Variants in NLGN4Y observed in about 807,000 individuals in gnomAD.
The protein encoded by NLGN4Y is neuroligin-4, Y-linked.
NLGN4Y carries 4 observed loss-of-function variants against 8.4 expected under a neutral mutation model. That is an observed-to-expected ratio of 0.48 (90% CI 0.23 to 1.09). The LOEUF is 1.09. Ranked by LOEUF, NLGN4Y falls within the 50% of genes least tolerant of loss-of-function variation. NLGN4Y has a pLI of 0.19. For missense variants in NLGN4Y, 90 were observed against 192.3 expected, an observed-to-expected ratio of 0.47 and a Z score of 3.15; for synonymous variants, 35 against 75.6, an observed-to-expected ratio of 0.46 and a Z score of 2.78.
At chrY:14,729,527 A>G (rs999678541) in intron 4 of NLGN4Y, among the ~76,000 whole-genome samples, 17 of 34,001 alleles carry the variant, frequency 5.0e-4, no homozygotes, top group Non-Finnish European at 8.1e-4. Context: ...GAAGAAGAAT[A>G]CAGTCTGAAG....
intron 1 of NLGN4Y, among the ~76,000 whole-genome samples, chrY:14,612,971 T>G: frequency 3.0e-5 from 1 of 33,342 alleles, no homozygotes; most frequent in South Asian, 6.8e-4. Flanking sequence ...GCTGCTGCCT[T>G]TCTTTCAGAG....
intron 6 of NLGN4Y, among the ~76,000 whole-genome samples, chrY:14,834,070 A>G: frequency 6.2e-5 from 2 of 32,171 alleles, no homozygotes; most frequent in South Asian, 7.4e-4. Context: ...TTATGAGGTG[A>G]CTATTATCAT....
chrY:14,801,903 T>A, intron 4 of NLGN4Y, among the ~76,000 whole-genome samples: 1 of 33,393 alleles, frequency 3.0e-5, no homozygotes, highest in South Asian at 6.6e-4. Context: ...CCAACAAATC[T>A]GCCCAAAGCA....
intron 1 of NLGN4Y, among the ~76,000 whole-genome samples, chrY:14,561,656 G>A (rs1603499673): frequency 6.0e-5 from 2 of 33,237 alleles, no homozygotes; most frequent in African/African-American, 2.3e-4. Flanking sequence ...ACCCTCTTCC[G>A]CAATGGTTGA....
At chrY:14,706,911 ACAAT>A (rs2080881329) in intron 2 of NLGN4Y, among the ~76,000 whole-genome samples, 1 of 22,175 alleles carries the variant, frequency 4.5e-5, no homozygotes, top group Non-Finnish European at 1.0e-4. Context: ...GTATATATAC[ACAAT>A]CAGATATATG....
intron 1 of NLGN4Y, among the ~76,000 whole-genome samples, chrY:14,616,772 T>G: frequency 2.9e-5 from 1 of 33,979 alleles, no homozygotes; most frequent in Non-Finnish European, 7.3e-5. Flanking sequence ...TTCTTAATCC[T>G]GAGTTCTAAT....
intron 1 of NLGN4Y, among the ~76,000 whole-genome samples, chrY:14,591,650 T>A: frequency 3.0e-5 from 1 of 32,916 alleles, no homozygotes; most frequent in Non-Finnish European, 7.5e-5. Context: ...CTATGATCAT[T>A]TGGAGCTTGA....
intron 4 of NLGN4Y, among the ~76,000 whole-genome samples, chrY:14,751,485 T>A: frequency 3.0e-5 from 1 of 32,857 alleles, no homozygotes; most frequent in Admixed American, 2.8e-4. Context: ...TTGAGATGTT[T>A]CCATGTATTT....
At chrY:14,553,942 G>A (rs2080203490) in intron 1 of NLGN4Y, among the ~76,000 whole-genome samples, 1 of 31,032 alleles carries the variant, frequency 3.2e-5, no homozygotes, top group Admixed American at 3.2e-4. Context: ...CTTTCCTTTT[G>A]GCTATATGAA....
chrY:14,774,296 T>A (rs764360978), intron 4 of NLGN4Y, among the ~76,000 whole-genome samples: 1 of 33,022 alleles, frequency 3.0e-5, no homozygotes, highest in Admixed American at 2.7e-4. Flanking sequence ...AAAAGGAACT[T>A]AAACAAATGT....
intron 4 of NLGN4Y, among the ~76,000 whole-genome samples, chrY:14,752,011 G>A: frequency 3.1e-5 from 1 of 32,642 alleles, no homozygotes; most frequent in Non-Finnish European, 7.5e-5. Flanking sequence ...TTTCAGATTA[G>A]CACTTTGGGA....
At chrY:14,586,431 G>GGT (rs2150488815) in intron 1 of NLGN4Y, among the ~76,000 whole-genome samples, 1 of 33,407 alleles carries the variant, frequency 3.0e-5, no homozygotes, top group South Asian at 6.8e-4. Context: ...ATGGAGCTGG[G>GGT]GTCACAGGTG....
intron 2 of NLGN4Y, among the ~76,000 whole-genome samples, chrY:14,628,798 A>T: frequency 3.3e-5 from 1 of 30,521 alleles, no homozygotes; most frequent in East Asian, 8.4e-4. Flanking sequence ...TTTTATTCTT[A>T]TTTTTTTTTA....
At chrY:14,616,045 TG>T (rs2080487570) in intron 1 of NLGN4Y, among the ~76,000 whole-genome samples, 1 of 33,484 alleles carries the variant, frequency 3.0e-5, no homozygotes, top group African/African-American at 1.2e-4. Flanking sequence ...TTTGTACCTC[TG>T]GTAGAATTCA....
chrY:14,626,207 CA>C (rs2080526877), intron 2 of NLGN4Y, among the ~76,000 whole-genome samples: 2 of 33,973 alleles, frequency 5.9e-5, no homozygotes, highest in African/African-American at 1.2e-4. Context: ...TTTGTTCCTT[CA>C]GATACTCAGA....
intron 1 of NLGN4Y, among the ~76,000 whole-genome samples, chrY:14,532,857 C>T (rs2080119318): frequency 3.5e-5 from 1 of 28,972 alleles, no homozygotes; most frequent in Admixed American, 3.3e-4. Flanking sequence ...TCTCTCCCTC[C>T]TTCCCTCCCT....
At chrY:14,775,904 C>G (rs113519745) in intron 4 of NLGN4Y, among the ~76,000 whole-genome samples, 267 of 32,379 alleles carry the variant, frequency 8.2e-3, no homozygotes, top group African/African-American at 0.03. Flanking sequence ...TTCAGGCAAT[C>G]GAAACACAAT....
At chrY:14,673,575 C>T (rs556844363) in intron 2 of NLGN4Y, among the ~76,000 whole-genome samples, 1 of 33,480 alleles carries the variant, frequency 3.0e-5, no homozygotes, top group African/African-American at 1.2e-4. Context: ...TTTTACACTG[C>T]TGGTGGGACT....
At chrY:14,559,132 A>G (rs2150474499) in intron 1 of NLGN4Y, among the ~76,000 whole-genome samples, 2 of 33,497 alleles carry the variant, frequency 6.0e-5, no homozygotes, top group East Asian at 1.6e-3. Flanking sequence ...GAAGCAATAG[A>G]TGACAAAAGT....
Sources: allele counts gnomAD v4.1 joint callset (sites outside exome capture counted in the v4.1 genomes callset), GRCh38; gene constraint gnomAD v4.1.1; transcripts MANE v1.5; gene names NCBI Gene and HGNC (gene_info 2026-07-23, HGNC 2026-07-21).